The following MTCL1 variants were observed in gnomAD, a reference collection of about 807,000 sequenced individuals.
The protein encoded by MTCL1 is microtubule crosslinking factor 1.
In MTCL1, 79 loss-of-function variants were observed where a neutral mutation model predicts 141.4. That is an observed-to-expected ratio of 0.56 (90% CI 0.47 to 0.67). The LOEUF is 0.67. Ranked by LOEUF, MTCL1 falls within the 30% of genes least tolerant of loss-of-function variation. The probability of loss-of-function intolerance (pLI) is 0.00; values close to 1 mark genes in which losing one functional copy is unlikely to be tolerated. For missense variants in MTCL1, 2,177 were observed against 2,113.9 expected (o/e 1.03, Z -0.59); for synonymous variants, 914 against 875.8 (o/e 1.04, Z -0.77).
chr18:8,829,268 G>A (rs1285450826), intron 16 of MTCL1: 2 of 985,310 alleles, frequency 2.0e-6, no homozygotes, highest in African/African-American at 3.5e-5. Flanking sequence ...AGTAGATACT[G>A]GCCAGGAGGG....
rs377251478 is a variant in MTCL1 at position 8,784,160 on chromosome 18, G to C, written c.1048G>C (p.Gly350Arg). 1 of 1,613,776 alleles carries C rather than the reference G, an allele frequency of 6.2e-7. No homozygotes were observed. The highest frequency in any genetic ancestry group is 1.1e-5 in the South Asian group (1 of 91,086). Residue 350 changes from glycine to arginine, a missense_variant, in exon 6 of 17, where the codon GGC becomes CGC. Transcript: ENST00000359865. ...CAGGCTGCAGATCAGCGAGCTCAGC[G>C]GCAAGGTGCTCAAACTGCAGCACGA...
chr18:8,824,751 C>G, exon 15 of MTCL1: 1 of 1,614,088 alleles, frequency 6.2e-7, no homozygotes, highest in Non-Finnish European at 8.5e-7. Context: ...GGACATCTCC[C>G]CCTTCCTGCC....
At position 8,819,012 on chromosome 18, in the gene MTCL1, A is replaced by G. The variant is rs1206059617; in HGVS notation, c.2909A>G (p.Gln970Arg). 1.9e-6 allele frequency: 3 copies of G among 1,614,108 alleles called. No homozygotes were observed. The Admixed American group carries it at 5.0e-5, about 27-fold the overall frequency. The change falls in exon 13 of 17, where the codon CAA becomes CGA. Residue 970 changes from glutamine (Q) to arginine (R), a missense_variant. By Grantham distance (43) the Gln-to-Arg change is conservative (BLOSUM62 1). Transcript: ENST00000359865. ...AGAGGTGGCAGTTTCCTCTGTGATCAAAAAGACGGCAACGTTCGCCCCTTT... is the reference window on the plus strand; with the variant it reads ...AGAGGTGGCAGTTTCCTCTGTGATCGAAAAGACGGCAACGTTCGCCCCTTT...
At chr18:8,730,496 T>C (rs1211312503) in intron 4 of MTCL1, among the ~76,000 whole-genome samples, 4 of 152,224 alleles carry the variant, frequency 2.6e-5, no homozygotes, top group South Asian at 2.1e-4. Flanking sequence ...GTAATTCCAC[T>C]GTAGGTCAAG....
chr18:8,784,630 G>C (rs1307904676), exon 6 of MTCL1: 1 of 1,613,680 alleles, frequency 6.2e-7, no homozygotes, highest in African/African-American at 1.3e-5. Context: ...AGGGGGACCA[G>C]CAGGAGCCCC....
At chr18:8,801,981 G>C (rs1358750402) in intron 10 of MTCL1, 1 of 152,212 alleles carries the variant, frequency 6.6e-6, no homozygotes, top group Non-Finnish European at 1.5e-5. Context: ...TCTGTCTTGA[G>C]TGGCCCATTC....
exon 1 of MTCL1, chr18:8,706,095 G>C: frequency 8.3e-7 from 1 of 1,206,892 alleles, no homozygotes; most frequent in Admixed American, 4.4e-5. Flanking sequence ...CCCGGGCTGG[G>C]AAGCCTCCCG....
upstream of MTCL1, among the ~76,000 whole-genome samples, chr18:8,713,003 A>G (rs1340249848): frequency 6.6e-6 from 1 of 152,242 alleles, no homozygotes; most frequent in Non-Finnish European, 1.5e-5. Flanking sequence ...ACTTATACTA[A>G]GAAGCCATGG....
chr18:8,762,852 C>T (rs182233895), intron 4 of MTCL1, among the ~76,000 whole-genome samples: 151 of 152,174 alleles, frequency 9.9e-4, no homozygotes, highest in Middle Eastern at 3.4e-3. Flanking sequence ...CGTGAGAGCA[C>T]GGGGAAAGGG....
At chr18:8,815,835 C>A (rs1413799521) in intron 12 of MTCL1, among the ~76,000 whole-genome samples, 1 of 152,094 alleles carries the variant, frequency 6.6e-6, no homozygotes, top group Non-Finnish European at 1.5e-5. Flanking sequence ...CATCATAGAT[C>A]TGAAACACGT....
rs953003111 is a variant in MTCL1, at chr18:8,830,303, C to T, written c.*19-1304C>T. 2.9e-5 allele frequency: 29 copies of T among 985,306 alleles called. No individual in the cohort carries two copies. The highest frequency in any genetic ancestry group is 1.9e-4 in the South Asian group (4 of 21,286). The allele number at this position is 985,306 out of a possible 1,614,324, so 61.0% of individuals were successfully genotyped here. On this transcript the variant is annotated intron_variant, in intron 16 of 16. Transcript: ENST00000359865. This position sits in a 1 kb window ranked among gnomAD's most constrained non-coding sequence, Gnocchi z 6.4. ...GGGAACAGAAGCTTCTCCCTGTGGC[C>T]GTATGAAGTTCCAGCCACAAAAGCA...
chr18:8,783,464 T>C (rs2096539650), intron 5 of MTCL1, 66 bp from the exon 5 acceptor site: 2 of 1,415,796 alleles, frequency 1.4e-6, no homozygotes, highest in South Asian at 2.8e-5. Flanking sequence ...GTGAGGGGAA[T>C]CATGAAAAAC....
Position 8,796,480 on chromosome 18 carries a change from T to C in MTCL1, c.2241+18T>C. 3 of 1,612,546 alleles carry C rather than the reference T, an allele frequency of 1.9e-6. No homozygotes were observed. The highest frequency in any genetic ancestry group is 2.5e-6 in the Non-Finnish European group (3 of 1,178,710). ...TCACTGAGGTAACTCCACTGTCGAA[T>C]TCCTTTTATTTGCATCTGTTTTGTC... On this transcript the variant is annotated intron_variant, in intron 9 of 16. Coordinates refer to ENST00000359865, the Ensembl canonical transcript of MTCL1.
chr18:8,817,978 C>T (rs1357361313), intron 12 of MTCL1, among the ~76,000 whole-genome samples: 1 of 152,154 alleles, frequency 6.6e-6, no homozygotes, highest in Admixed American at 6.5e-5. Flanking sequence ...GGCCGTGCGC[C>T]CTGCAAGCCA....
At chr18:8,825,353 T>G in exon 15 of MTCL1, 1 of 1,537,742 alleles carries the variant, frequency 6.5e-7, no homozygotes, top group Non-Finnish European at 8.8e-7. Flanking sequence ...AGAACTTGAG[T>G]GATGACATGA....
intron 4 of MTCL1, among the ~76,000 whole-genome samples, chr18:8,770,169 A>T (rs1045700768): frequency 6.6e-6 from 1 of 152,210 alleles, no homozygotes; most frequent in Non-Finnish European, 1.5e-5. Flanking sequence ...GGTTGGGCCC[A>T]GGTTGGTGGC....
At chr18:8,829,528 C>A in intron 16 of MTCL1, 1 of 968,290 alleles carries the variant, frequency 1.0e-6, no homozygotes, top group Non-Finnish European at 1.2e-6. Context: ...AATGAATAAA[C>A]AACAAAATCA....
chr18:8,802,675 A>G (rs1218219594), intron 10 of MTCL1, among the ~76,000 whole-genome samples: 1 of 152,228 alleles, frequency 6.6e-6, no homozygotes. Context: ...AGTTTGACAT[A>G]TTATAGCACA....
exon 6 of MTCL1, chr18:8,784,326 A>G (rs978928096): frequency 1.3e-6 from 2 of 1,554,854 alleles, no homozygotes; most frequent in African/African-American, 2.7e-5. Context: ...CGCCTGCCCC[A>G]GCCCAAGCGG....
Sources: allele counts gnomAD v4.1 joint callset (sites outside exome capture counted in the v4.1 genomes callset), GRCh38; gene constraint gnomAD v4.1.1; non-coding constraint Gnocchi (gnomAD v3.1); transcripts MANE v1.5; gene names NCBI Gene and HGNC (gene_info 2026-07-23, HGNC 2026-07-21).